The following DOCK4 variants were observed in gnomAD, a reference collection of about 807,000 sequenced individuals.
DOCK4 encodes the protein dedicator of cytokinesis 4.
In DOCK4, 97 loss-of-function variants were observed where a neutral mutation model predicts 268.1. The observed-to-expected ratio is 0.36, with a 90% CI of 0.31 to 0.43. The LOEUF is 0.43. DOCK4 is among the 20% of genes least tolerant of loss of function. The pLI is 1.00. For synonymous variants in DOCK4, 954 were observed against 887.2 expected (o/e 1.08, Z -1.34); for missense variants, 2,145 against 2,455.7 (o/e 0.87, Z 2.67).
intron 51 of DOCK4, among the ~76,000 whole-genome samples, chr7:111,733,323 G>GTAAGGTC (rs1232150094): frequency 6.6e-6 from 1 of 152,204 alleles, no homozygotes; most frequent in East Asian, 1.9e-4. Context: ...CTTGGGAGGG[G>GTAAGGTC]TAAGGTCATC....
At chr7:112,047,756 G>T (rs1271370895) in intron 1 of DOCK4, among the ~76,000 whole-genome samples, 1 of 152,180 alleles carries the variant, frequency 6.6e-6, no homozygotes, top group Non-Finnish European at 1.5e-5. Flanking sequence ...GCAATGGCAT[G>T]ATTATAGCTC....
At chr7:111,800,223 TAA>T (rs562610418) in intron 30 of DOCK4, among the ~76,000 whole-genome samples, 4 of 138,724 alleles carry the variant, frequency 2.9e-5, no homozygotes, top group South Asian at 2.3e-4. Flanking sequence ...ATACTTGTCC[TAA>T]AAAAAAAAAA....
chr7:112,023,141 C>A (rs1004241667), intron 1 of DOCK4, among the ~76,000 whole-genome samples: 2 of 152,162 alleles, frequency 1.3e-5, no homozygotes, highest in African/African-American at 4.8e-5. Context: ...GCTGGCCAGG[C>A]TGGTCTTGAA....
chr7:112,013,974 A>T (rs141656686), intron 1 of DOCK4, among the ~76,000 whole-genome samples: 1 of 152,278 alleles, frequency 6.6e-6, no homozygotes, highest in Non-Finnish European at 1.5e-5. Flanking sequence ...CATGACACCT[A>T]GTGGGTACTC....
intron 1 of DOCK4, among the ~76,000 whole-genome samples, chr7:112,131,358 G>A (rs563167822): frequency 5.3e-4 from 80 of 152,230 alleles, no homozygotes; most frequent in African/African-American, 1.8e-3. Flanking sequence ...GCCAGGATAC[G>A]GGGATGCCAA....
intron 13 of DOCK4, among the ~76,000 whole-genome samples, chr7:111,911,059 A>C (rs1792054913): frequency 6.6e-6 from 1 of 152,252 alleles, no homozygotes; most frequent in Non-Finnish European, 1.5e-5. Flanking sequence ...TCAGGATCAC[A>C]GATAATTCAT....
intron 42 of DOCK4, among the ~76,000 whole-genome samples, chr7:111,747,766 T>C (rs1441076093): frequency 6.6e-6 from 1 of 152,170 alleles, no homozygotes; most frequent in Non-Finnish European, 1.5e-5. Context: ...AGTTTTTTTT[T>C]TCTTTTGAAG....
chr7:112,125,589 G>C (rs1311728147), intron 1 of DOCK4, among the ~76,000 whole-genome samples: 1 of 152,182 alleles, frequency 6.6e-6, no homozygotes. Context: ...GAGACAGACA[G>C]ACTGGGTTAC....
intron 1 of DOCK4, among the ~76,000 whole-genome samples, chr7:112,118,709 C>CTG (rs1196799573): frequency 6.6e-6 from 1 of 152,120 alleles, no homozygotes; most frequent in Non-Finnish European, 1.5e-5. Context: ...AGTCCTGAGC[C>CTG]TGTCTTCAAT....
At chr7:112,150,973 T>G (rs549077744) in intron 1 of DOCK4, among the ~76,000 whole-genome samples, 5 of 152,284 alleles carry the variant, frequency 3.3e-5, no homozygotes, top group African/African-American at 1.2e-4. Flanking sequence ...CTCTTAAGGA[T>G]GAGTTTTCTG....
At chr7:111,847,774 T>A (rs1407366465) in intron 23 of DOCK4, among the ~76,000 whole-genome samples, 4 of 152,192 alleles carry the variant, frequency 2.6e-5, no homozygotes, top group South Asian at 2.1e-4. Context: ...GAACTGTGAG[T>A]CCATTAAACC....
intron 1 of DOCK4, among the ~76,000 whole-genome samples, chr7:112,127,652 CA>C (rs1813364057): frequency 6.6e-6 from 1 of 151,588 alleles, no homozygotes; most frequent in Admixed American, 6.6e-5. Context: ...ATTTTTATAG[CA>C]AAAAAATAAA....
chr7:112,204,882 A>AACACACACACACACAC (rs34706974), intron 1 of DOCK4, among the ~76,000 whole-genome samples: 5 of 149,912 alleles, frequency 3.3e-5, no homozygotes, highest in Non-Finnish European at 5.9e-5. Context: ...TCAATTTTAA[A>AACACACACACACACAC]ACACACACAC....
chr7:111,976,977 G>C, intron 8 of DOCK4, 155 bp downstream of exon 8: 1 of 803,592 alleles, frequency 1.2e-6, no homozygotes, highest in South Asian at 2.5e-5. Context: ...AACATCCAAA[G>C]AACAGGCAGC....
chr7:111,889,560 GAGA>G (rs1180036856), intron 16 of DOCK4, among the ~76,000 whole-genome samples: 2 of 152,138 alleles, frequency 1.3e-5, no homozygotes, highest in Non-Finnish European at 2.9e-5. Context: ...ACCTGGATTT[GAGA>G]AGTCCATCTC....
intron 1 of DOCK4, among the ~76,000 whole-genome samples, chr7:112,181,150 C>T (rs560586134): frequency 6.6e-6 from 1 of 151,928 alleles, no homozygotes; most frequent in African/African-American, 2.4e-5. Flanking sequence ...AAAGAGTAAA[C>T]AAGTATGTTG....
chr7:112,111,130 C>T (rs1182252857), intron 1 of DOCK4, among the ~76,000 whole-genome samples: 4 of 152,196 alleles, frequency 2.6e-5, no homozygotes, highest in Admixed American at 6.5e-5. Flanking sequence ...TTTAGTTCAT[C>T]ACATCTGGGG....
chr7:112,086,846 G>C (rs1809137583), intron 1 of DOCK4, among the ~76,000 whole-genome samples: 1 of 152,072 alleles, frequency 6.6e-6, no homozygotes, highest in South Asian at 2.1e-4. Flanking sequence ...TTTTGTCACA[G>C]TTTACACAGT....
At chr7:112,067,342 T>C (rs1807174061) in intron 1 of DOCK4, among the ~76,000 whole-genome samples, 1 of 151,802 alleles carries the variant, frequency 6.6e-6, no homozygotes, top group Non-Finnish European at 1.5e-5. Flanking sequence ...ATCGAGGTCC[T>C]GGTCAGAAAG....
Sources: gnomAD v4.1 joint callset for allele counts (sites outside exome capture counted in the v4.1 genomes callset) on GRCh38, gnomAD v4.1.1 for gene constraint, MANE v1.5 for transcripts, NCBI Gene and HGNC (gene_info 2026-07-23, HGNC 2026-07-21) for gene names.